Variants in COL12A1 observed in about 807,000 individuals in gnomAD.
COL12A1 encodes the protein collagen alpha-1(XII) chain.
In COL12A1, 114 loss-of-function variants were observed where a neutral mutation model predicts 349.7. The observed-to-expected ratio is 0.33, with a 90% CI of 0.28 to 0.38. The LOEUF (loss-of-function observed/expected upper bound fraction) is 0.38. Ranked by LOEUF, COL12A1 falls within the 10% of genes least tolerant of loss-of-function variation. COL12A1 has a pLI of 1.00. For synonymous variants in COL12A1, 1,369 were observed against 1,329.0 expected, an observed-to-expected ratio of 1.03 and a Z score of -0.66; for missense variants, 3,284 against 3,756.9, an observed-to-expected ratio of 0.87 and a Z score of 3.29.
At position 75,136,588 on chromosome 6, in the gene COL12A1, A is replaced by C. The variant is rs562619823; in HGVS notation, c.5394+849T>G. Among the ~76,000 whole-genome samples the C allele has an allele frequency of 1.2e-4, 18 of 152,356 alleles. No individual in the cohort carries two copies. The South Asian group carries it at 3.7e-3, about 32-fold the overall frequency. On this transcript the variant is annotated intron_variant, in intron 31 of 65. Coordinates refer to ENST00000322507, the MANE Select transcript of COL12A1 (RefSeq NM_004370.6). Reference sequence around the variant, plus strand: ...AGTCAGATGATTAAAGGTTAATAACACATGTGTCTCTAAGGCTATATAAGA... The same window carrying C: ...AGTCAGATGATTAAAGGTTAATAACCCATGTGTCTCTAAGGCTATATAAGA...
At chr6:75,165,411 GA>G in intron 14 of COL12A1, 95 bp downstream of exon 14, 2 of 1,463,822 alleles carry the variant, frequency 1.4e-6, no homozygotes, top group Non-Finnish European at 1.8e-6. Context: ...ATCATGTAAA[GA>G]AAAAACATTC....
chr6:75,174,942 A>G (rs754505264), intron 13 of COL12A1, 96 bp downstream of exon 13: 1 of 1,327,532 alleles, frequency 7.5e-7, no homozygotes, highest in Non-Finnish European at 1.0e-6. Flanking sequence ...AAAGGATTGC[A>G]CACTTCTAGA....
In COL12A1 at chr6:75,132,234, C is replaced by A; in HGVS notation, c.5795-152G>T. 7.2e-6 allele frequency: 7 copies of A among 966,238 alleles called. 1 individual carries two copies. The highest frequency in any genetic ancestry group is 1.0e-5 in the Non-Finnish European group (7 of 675,640). 59.9% of individuals were successfully genotyped at this position (966,238 alleles called of 1,614,324 possible). On this transcript the variant is annotated intron_variant, in intron 34 of 65. Coordinates refer to ENST00000322507, the MANE Select transcript of COL12A1 (RefSeq NM_004370.6). ...CTACACACAAAGGCAGATTAAAACT[C>A]TCCAAACCCAAATTTAGTTAAAGTT...
chr6:75,132,402 A>T lies in COL12A1; in HGVS notation c.5795-320T>A, dbSNP rs1192590229. On this transcript the variant is annotated intron_variant, in intron 34 of 65. Coordinates refer to ENST00000322507, the MANE Select transcript of COL12A1 (RefSeq NM_004370.6). ...AAAAGTAGTTTCAGTTTTCTAACAT[A>T]AGTAATGGAGAGAGGAAGAAGAGAC... 2.0e-5 allele frequency among the ~76,000 whole-genome samples: 3 copies of T among 152,196 alleles called. No homozygotes were observed. In the East Asian group the frequency reaches 5.8e-4, roughly 29 times the overall value.
intron 55 of COL12A1, among the ~76,000 whole-genome samples, chr6:75,103,468 G>T (rs1187675440): frequency 6.6e-6 from 1 of 152,196 alleles, no homozygotes; most frequent in Non-Finnish European, 1.5e-5. Context: ...CCTGTGGGGT[G>T]TGGGTACCCC....
In COL12A1 at chr6:75,142,018, G is replaced by T. The variant is rs1188756579; in HGVS notation, c.4957+14C>A. ...GTTGTTTCCCATTATCAGTGGAGCA[G>T]GAGCACAACTCACGGGTAGTTTCTT... is the stretch of plus-strand genomic sequence containing the variant. On this transcript the variant is annotated intron_variant, in intron 27 of 65. Coordinates refer to ENST00000322507, the MANE Select transcript of COL12A1 (RefSeq NM_004370.6). The T allele has an allele frequency of 1.2e-6, 2 of 1,613,918 alleles. No homozygotes were observed. The highest frequency in any genetic ancestry group is 1.7e-6 in the Non-Finnish European group (2 of 1,179,920).
At chr6:75,177,513 TTTAAC>T (rs1243675597) in intron 12 of COL12A1, 145 bp downstream of exon 12, 6 of 841,308 alleles carry the variant, frequency 7.1e-6, no homozygotes, top group Non-Finnish European at 1.1e-5. Context: ...AAAAAAAAAT[TTTAAC>T]TTAAATCTAA....
intron 54 of COL12A1, 45 bp from the exon 55 acceptor site, chr6:75,103,855 G>C: frequency 6.7e-7 from 1 of 1,482,902 alleles, no homozygotes; most frequent in Non-Finnish European, 9.2e-7. Flanking sequence ...AGGAAAATAG[G>C]AGGAAGTTGA....
rs1047817899 is a variant in COL12A1 at position 75,084,915 on chromosome 6, C to G, written c.*1632G>C. On this transcript the variant is annotated 3_prime_UTR_variant, in exon 66 of 66. Coordinates refer to ENST00000322507, the MANE Select transcript of COL12A1 (RefSeq NM_004370.6). ...AGTTTCACTGAGGCTGCCCGCTGTG[C>G]TAACTAAAGGCACACGGCATGTTCT... 5.3e-5 allele frequency: 12 copies of G among 226,834 alleles called. No individual in the cohort carries two copies. Among genetic ancestry groups the G allele is most frequent in the African/African-American group, 2.0e-4 (9 of 44,552 alleles). The allele number at this position is 226,834 out of a possible 1,614,324, so 14.1% of individuals were successfully genotyped here. A position where few individuals can be genotyped will look rare whatever the true frequency, so the allele number is the denominator to read the frequency against.
At chr6:75,101,449 G>T in intron 58 of COL12A1, 151 bp downstream of exon 58, 3 of 620,882 alleles carry the variant, frequency 4.8e-6, no homozygotes, top group Non-Finnish European at 8.0e-6. Context: ...ATCTGATGTT[G>T]GATGGTCCAC....
At position 75,183,991 on chromosome 6, in the gene COL12A1, G is replaced by C; in HGVS notation, c.1151C>G (p.Pro384Arg). The change falls in exon 9 of 66, where the codon CCT becomes CGT. Residue 384 changes from proline (P) to arginine (R), a missense_variant. Physicochemically the swap from Pro to Arg is moderately radical, Grantham distance 103. Transcript: ENST00000322507. ...GCGAACACTGAGCGTGGTTGTCTGAGGCCCCACACTCAGAGCGTGCTGTCG... is the reference window on the plus strand; with the variant it reads ...GCGAACACTGAGCGTGGTTGTCTGACGCCCCACACTCAGAGCGTGCTGTCG... ...GSRQHALSVG[P>R]QTTTLSVRDL... 4 of 1,614,170 alleles carry C rather than the reference G, an allele frequency of 2.5e-6. No homozygotes were observed. The highest frequency in any genetic ancestry group is 3.4e-6 in the Non-Finnish European group (4 of 1,180,030).
chr6:75,181,138 A>G lies in COL12A1; in HGVS notation c.1965T>C (p.Ala655=), dbSNP rs1198932670. 6.2e-7 allele frequency: 1 copy of G among 1,613,980 alleles called. No individual in the cohort carries two copies. Among genetic ancestry groups the G allele is most frequent in the East Asian group, 2.2e-5 (1 of 44,876 alleles). ...TGTGATATGAAAAAACATTTTCTCC[A>G]GCTGGAGACCAGTTGGTTTTGAAAC... is the stretch of plus-strand genomic sequence containing the variant. ...SYGFKTNWSP[A]GENVFSYHIT... The change falls in exon 11 of 66, where the codon GCT becomes GCC. Residue 655 remains alanine, a synonymous_variant. Transcript: ENST00000322507.
Position 75,089,136 on chromosome 6 carries a change from A to G in COL12A1, c.8980T>C (p.Ser2994Pro), listed in dbSNP as rs34846477. Residue 2994 changes from serine to proline, a missense_variant, in exon 64 of 66, where the codon TCA becomes CCA. This residue lies in a region of COL12A1 where 683 missense variants were observed against 932.1 expected (regional missense o/e 0.73). Coordinates refer to ENST00000322507, the MANE Select transcript of COL12A1 (RefSeq NM_004370.6). ...GEKGERGTGS[S>P]GPRGLPGPPG... Reference sequence around the variant, plus strand: ...GGGCCAGGCAGCCCCCGAGGTCCTGAAGATCCAGTACCCCTTTCACCTTTC... The same window carrying G: ...GGGCCAGGCAGCCCCCGAGGTCCTGGAGATCCAGTACCCCTTTCACCTTTC... The G allele has an allele frequency of 2.9e-3, 4,698 of 1,611,696 alleles. 102 individuals carry two copies. The African/African-American group carries it at 0.052, about 18-fold the overall frequency.
chr6:75,199,821 T>C (rs1205313806), intron 2 of COL12A1, among the ~76,000 whole-genome samples: 2 of 152,128 alleles, frequency 1.3e-5, no homozygotes, highest in Middle Eastern at 3.2e-3. Flanking sequence ...ATGAAAAATA[T>C]AGCTCCTAAT....
intron 11 of COL12A1, 105 bp downstream of exon 11, chr6:75,180,834 A>G (rs1162212410): frequency 3.0e-6 from 4 of 1,321,130 alleles, no homozygotes; most frequent in Non-Finnish European, 4.1e-6. Context: ...TTACAAAGGC[A>G]TTGGCAATTC....
Position 75,119,115 on chromosome 6 carries a change from C to T in COL12A1, c.7282G>A (p.Val2428Met). The T allele has an allele frequency of 3.7e-6, 6 of 1,614,016 alleles. No individual in the cohort carries two copies. The highest frequency in any genetic ancestry group is 5.1e-6 in the Non-Finnish European group (6 of 1,179,930). Residue 2428 changes from valine (V) to methionine (M), a missense_variant, in exon 46 of 66, where the codon GTG becomes ATG. Physicochemically the swap from Val to Met is conservative, Grantham distance 21. Coordinates refer to ENST00000322507, the MANE Select transcript of COL12A1 (RefSeq NM_004370.6). The stretch of plus-strand genomic sequence containing the variant: ...CGACCGTCCGTGACCACAACCAACA[C>T]CTTAGGGACATTCTTCCTCATGCCG... ...ESGMRKNVPK[V>M]LVVVTDGRSQ...
intron 14 of COL12A1, among the ~76,000 whole-genome samples, chr6:75,161,899 A>G (rs972746527): frequency 3.3e-5 from 5 of 152,222 alleles, no homozygotes; most frequent in Admixed American, 1.3e-4. Context: ...ACTCCCATTC[A>G]CAATTGCTAC....
At chr6:75,120,970 A>G (rs1028295769) in intron 44 of COL12A1, among the ~76,000 whole-genome samples, 1 of 152,218 alleles carries the variant, frequency 6.6e-6, no homozygotes, top group Non-Finnish European at 1.5e-5. Context: ...TGACAATCAC[A>G]AAGAATTTAA....
At chr6:75,134,230 C>A (rs539111102) in intron 32 of COL12A1, among the ~76,000 whole-genome samples, 2 of 152,268 alleles carry the variant, frequency 1.3e-5, no homozygotes, top group South Asian at 2.1e-4. Flanking sequence ...AAAGTAACAT[C>A]TTTCTCCACA....
Sources: allele counts gnomAD v4.1 joint callset (sites outside exome capture counted in the v4.1 genomes callset), GRCh38; gene constraint gnomAD v4.1.1; regional missense constraint gnomAD v4.1.1; transcripts MANE v1.5; gene names NCBI Gene and HGNC (gene_info 2026-07-23, HGNC 2026-07-21).